CLVS1: variants seen among roughly 807,000 people sequenced by gnomAD.
The protein encoded by CLVS1 is clavesin 1, also known as clavesin-1.
Under a neutral mutation model 33.1 loss-of-function variants are expected in CLVS1, and 10 were observed. That is an observed-to-expected ratio of 0.30 (90% CI 0.19 to 0.51). The LOEUF is 0.51. CLVS1 is among the 20% of genes least tolerant of loss of function. The probability of loss-of-function intolerance (pLI) is 0.97; values close to 1 mark genes in which losing one functional copy is unlikely to be tolerated. For missense variants in CLVS1, 343 were observed against 433.4 expected, an observed-to-expected ratio of 0.79 and a Z score of 1.85; for synonymous variants, 163 against 166.1, an observed-to-expected ratio of 0.98 and a Z score of 0.14.
chr8:61,136,302 A>G (rs10112331), intron 2 of CLVS1, among the ~76,000 whole-genome samples: 29,155 of 152,106 alleles, frequency 0.19, 3,147 homozygotes, highest in African/African-American at 0.27. Context: ...TGAAATTCTT[A>G]CCTTTAAACA....
At chr8:61,170,062 C>T (rs1563429636) in intron 2 of CLVS1, among the ~76,000 whole-genome samples, 1 of 151,364 alleles carries the variant, frequency 6.6e-6, no homozygotes, top group African/African-American at 2.4e-5. Flanking sequence ...TTGACATATA[C>T]ATATATATAT....
At chr8:61,233,525 G>GAAAGAA (rs1304178806) in intron 2 of CLVS1, among the ~76,000 whole-genome samples, 6 of 131,140 alleles carry the variant, frequency 4.6e-5, no homozygotes, top group Non-Finnish European at 6.3e-5. Flanking sequence ...AAAAAAAAAA[G>GAAAGAA]AAAGAAAAAG....
chr8:61,022,144 T>G, the CLVS1 span, among the ~76,000 whole-genome samples: 12 of 152,294 alleles, frequency 7.9e-5, no homozygotes, highest in African/African-American at 2.9e-4. Flanking sequence ...GCTACTGGGT[T>G]TTTTACGAGT....
intron 3 of CLVS1, among the ~76,000 whole-genome samples, chr8:61,414,195 G>A (rs2129604222): frequency 6.6e-6 from 1 of 152,238 alleles, no homozygotes; most frequent in African/African-American, 2.4e-5. Flanking sequence ...TAATTACAAA[G>A]AAAACTGAGT....
At chr8:61,330,756 T>A (rs577681781) in intron 2 of CLVS1, among the ~76,000 whole-genome samples, 1 of 152,216 alleles carries the variant, frequency 6.6e-6, no homozygotes, top group East Asian at 1.9e-4. Flanking sequence ...GCATCTTCTT[T>A]CTTGATTTGT....
rs537972960 is a variant in CLVS1, at chr8:61,472,376, A to G, written c.977+13834A>G. Among the ~76,000 whole-genome samples the G allele has an allele frequency of 2.2e-4, 32 of 147,202 alleles. 1 individual carries two copies. Among genetic ancestry groups the G allele is most frequent in the African/African-American group, 7.9e-4 (29 of 36,856 alleles). On this transcript the variant is annotated intron_variant, in intron 5 of 5. Transcript: ENST00000325897. Reference sequence around the variant, plus strand: ...AAGAAGGTAAAAAAGACATGGGGGGAGGAGAAGGAGGGAAACAAAAAAGAG... The same window carrying G: ...AAGAAGGTAAAAAAGACATGGGGGGGGGAGAAGGAGGGAAACAAAAAAGAG...
chr8:61,306,228 T>C (rs1390395444), intron 2 of CLVS1, among the ~76,000 whole-genome samples: 1 of 152,208 alleles, frequency 6.6e-6, no homozygotes, highest in Non-Finnish European at 1.5e-5. Context: ...TAATAGCCAT[T>C]CTGACTGGTA....
At chr8:61,216,349 G>A (rs1408462447) in intron 2 of CLVS1, among the ~76,000 whole-genome samples, 2 of 152,194 alleles carry the variant, frequency 1.3e-5, no homozygotes, top group Non-Finnish European at 2.9e-5. Context: ...ACATGCTCTG[G>A]AAGCCACAGA....
rs1487822455 is a variant in CLVS1, at chr8:61,500,591, C to CTT, written c.*1050_*1051dup. ...AAGGTCATTTTATTTACCTAGTCTC[C>CTT]TTAGAAATGGAGTCCCCAACTACTC... is the stretch of plus-strand genomic sequence containing the variant. On this transcript the variant is annotated 3_prime_UTR_variant, in exon 6 of 6. Coordinates refer to ENST00000325897, the MANE Select transcript of CLVS1 (RefSeq NM_173519.3). 1.3e-5 allele frequency: 2 copies of CTT among 152,112 alleles called. No homozygotes were observed. Among genetic ancestry groups the CTT allele is most frequent in the African/African-American group, 4.8e-5 (2 of 41,394 alleles). 9.4% of individuals were successfully genotyped at this position (152,112 alleles called of 1,614,324 possible).
At chr8:61,476,272 C>T (rs2129607956) in intron 5 of CLVS1, among the ~76,000 whole-genome samples, 1 of 152,250 alleles carries the variant, frequency 6.6e-6, no homozygotes, top group Middle Eastern at 3.4e-3. Context: ...ATTGACTTGG[C>T]AATGTGGGCT....
intron 2 of CLVS1, among the ~76,000 whole-genome samples, chr8:61,159,678 G>A (rs1384338825): frequency 6.6e-6 from 1 of 152,186 alleles, no homozygotes; most frequent in Non-Finnish European, 1.5e-5. Flanking sequence ...AATATGAAAT[G>A]TCATGAGTCA....
chr8:61,187,100 G>A (rs1647737882), intron 2 of CLVS1, among the ~76,000 whole-genome samples: 1 of 150,428 alleles, frequency 6.6e-6, no homozygotes, highest in Non-Finnish European at 1.5e-5. Flanking sequence ...ACAGCGATGA[G>A]TGTTTCCAAA....
chr8:61,279,991 GAT>G (rs1809638165), intron 2 of CLVS1, among the ~76,000 whole-genome samples: 1 of 137,716 alleles, frequency 7.3e-6, no homozygotes, highest in African/African-American at 2.4e-5. Flanking sequence ...TTTTAAATAA[GAT>G]AAAAAATCAG....
At chr8:61,482,423 G>A (rs1032383870) in intron 5 of CLVS1, among the ~76,000 whole-genome samples, 4 of 152,240 alleles carry the variant, frequency 2.6e-5, no homozygotes, top group Admixed American at 6.5e-5. Flanking sequence ...AAAGGAGGAT[G>A]TTCGAACCCA....
chr8:61,282,875 G>T (rs979960873), intron 2 of CLVS1, among the ~76,000 whole-genome samples: 2 of 152,148 alleles, frequency 1.3e-5, no homozygotes, highest in African/African-American at 2.4e-5. Flanking sequence ...CTTGGGATAG[G>T]AAATGGAAAC....
intron 3 of CLVS1, among the ~76,000 whole-genome samples, chr8:61,424,675 C>G (rs1815813467): frequency 6.6e-6 from 1 of 152,160 alleles, no homozygotes; most frequent in African/African-American, 2.4e-5. Context: ...GGAGACTACA[C>G]AGTTACTCTA....
intron 3 of CLVS1, among the ~76,000 whole-genome samples, chr8:61,438,479 C>T (rs765422828): frequency 1.3e-5 from 2 of 152,172 alleles, no homozygotes; most frequent in Non-Finnish European, 2.9e-5. Flanking sequence ...AATAGTGCTG[C>T]AGTGAACATA....
chr8:61,471,678 C>G (rs1817742328), intron 5 of CLVS1, among the ~76,000 whole-genome samples: 1 of 152,222 alleles, frequency 6.6e-6, no homozygotes, highest in Non-Finnish European at 1.5e-5. Context: ...CTCCCTTCCT[C>G]CTGGTCAGCC....
At chr8:61,112,747 GGTT>G (rs1179643244) in intron 1 of CLVS1, among the ~76,000 whole-genome samples, 6 of 152,112 alleles carry the variant, frequency 3.9e-5, no homozygotes, top group Non-Finnish European at 8.8e-5. Context: ...TTCAGGATTG[GGTT>G]TGGGTCCTTG....
Sources: gnomAD v4.1 joint callset for allele counts (sites outside exome capture counted in the v4.1 genomes callset) on GRCh38, gnomAD v4.1.1 for gene constraint, MANE v1.5 for transcripts, NCBI Gene and HGNC (gene_info 2026-07-23, HGNC 2026-07-21) for gene names.